MICAL2: variants seen among roughly 807,000 people sequenced by gnomAD.
MICAL2 encodes the protein microtubule associated monooxygenase, calponin and LIM domain containing 2, also known as [F-actin]-monooxygenase MICAL2.
Under a neutral mutation model 127.3 loss-of-function variants are expected in MICAL2, and 77 were observed. The observed-to-expected ratio is 0.60, with a 90% CI of 0.50 to 0.73. MICAL2 has a LOEUF of 0.73. Among genes scored for constraint, MICAL2 ranks in the 30% least tolerant of loss-of-function variants. The pLI is 0.00. For synonymous variants in MICAL2, 570 were observed against 551.1 expected (o/e 1.03, Z -0.48); for missense variants, 1,351 against 1,434.4 (o/e 0.94, Z 0.94).
exon 1 of MICAL2, chr11:12,276,164 C>A (rs1863720588): frequency 2.5e-6 from 1 of 399,094 alleles, no homozygotes; most frequent in African/African-American, 2.1e-5. Context: ...GCGAAGACAG[C>A]AGGTATGCTC....
chr11:12,310,029 G>GT (rs1181602720), intron 29 of MICAL2, among the ~76,000 whole-genome samples: 2 of 151,842 alleles, frequency 1.3e-5, no homozygotes, highest in South Asian at 4.1e-4. Flanking sequence ...GAATTATTTG[G>GT]TTTTTTGTAC....
At chr11:12,114,499 T>C (rs1031207231) in intron 1 of MICAL2, among the ~76,000 whole-genome samples, 1 of 152,198 alleles carries the variant, frequency 6.6e-6, no homozygotes, top group Admixed American at 6.5e-5. Context: ...GCCCCCTCTT[T>C]AGCCATTACC....
Position 12,138,738 on chromosome 11 carries a change from C to T in MICAL2, c.-78+278C>T, listed in dbSNP as rs1852063911. 2.6e-5 allele frequency among the ~76,000 whole-genome samples: 4 copies of T among 152,334 alleles called. No homozygotes were observed. The South Asian group carries it at 8.3e-4, about 32-fold the overall frequency. On this transcript the variant is annotated intron_variant, in intron 2 of 27. Coordinates refer to ENST00000683283, the MANE Select transcript of MICAL2 (RefSeq NM_001282663.2). The stretch of plus-strand genomic sequence containing the variant: ...AGGAACCAGACTCCCGCCTTCCTGT[C>T]TGAGCCAGGCAGCAATTCCCGGCAG...
intron 32 of MICAL2, among the ~76,000 whole-genome samples, chr11:12,342,579 T>A (rs1938884131): frequency 6.6e-6 from 1 of 152,234 alleles, no homozygotes; most frequent in African/African-American, 2.4e-5. Context: ...AAGGTAGGTG[T>A]GGTATGGTAT....
At chr11:12,219,273 A>T (rs1856537820) in intron 8 of MICAL2, among the ~76,000 whole-genome samples, 1 of 152,154 alleles carries the variant, frequency 6.6e-6, no homozygotes, top group Non-Finnish European at 1.5e-5. Flanking sequence ...CTCTGGGGAT[A>T]CACTAAACTT....
intron 2 of MICAL2, among the ~76,000 whole-genome samples, chr11:12,142,591 G>A (rs150233144): frequency 6.6e-6 from 1 of 152,328 alleles, no homozygotes; most frequent in African/African-American, 2.4e-5. Flanking sequence ...AACCAGAATG[G>A]AAACCACTCA....
chr11:12,126,700 G>A (rs1850946964), intron 1 of MICAL2, among the ~76,000 whole-genome samples: 1 of 86,540 alleles, frequency 1.2e-5, no homozygotes, highest in African/African-American at 5.0e-5. Context: ...CAAGGCTTAT[G>A]TGTGTAAAAA....
intron 7 of MICAL2, among the ~76,000 whole-genome samples, chr11:12,213,923 C>G (rs1253792576): frequency 1.3e-5 from 2 of 152,296 alleles, no homozygotes; most frequent in East Asian, 3.9e-4. Context: ...GGAACATAAC[C>G]TGTACTGGCA....
intron 1 of MICAL2, among the ~76,000 whole-genome samples, chr11:12,128,457 A>C (rs903195929): frequency 6.6e-6 from 1 of 152,254 alleles, no homozygotes; most frequent in African/African-American, 2.4e-5. Context: ...GGTAAATGGC[A>C]GAGCTGGGAT....
chr11:12,176,122 A>C (rs1241808049), intron 3 of MICAL2, among the ~76,000 whole-genome samples: 3 of 152,222 alleles, frequency 2.0e-5, no homozygotes, highest in Non-Finnish European at 4.4e-5. Context: ...TGTGCTCATC[A>C]TGTCTTAGAG....
chr11:12,233,646 A>G (rs1436849583), intron 15 of MICAL2, among the ~76,000 whole-genome samples: 1 of 152,222 alleles, frequency 6.6e-6, no homozygotes, highest in African/African-American at 2.4e-5. Flanking sequence ...CTTTTGGTAT[A>G]TAGACTCTTT....
At chr11:12,339,452 A>G (rs1565309851) in intron 32 of MICAL2, among the ~76,000 whole-genome samples, 1 of 152,032 alleles carries the variant, frequency 6.6e-6, no homozygotes, top group South Asian at 2.1e-4. Context: ...CAACTCATCA[A>G]AGTCATTCTC....
intron 3 of MICAL2, among the ~76,000 whole-genome samples, chr11:12,189,724 G>A (rs1420225772): frequency 1.3e-5 from 2 of 152,146 alleles, no homozygotes; most frequent in Non-Finnish European, 2.9e-5. Flanking sequence ...GGCTTCCGCA[G>A]GCAGCCTGAG....
intron 29 of MICAL2, among the ~76,000 whole-genome samples, chr11:12,314,122 A>G (rs1864205461): frequency 2.0e-5 from 3 of 151,812 alleles, no homozygotes; most frequent in Admixed American, 6.6e-5. Flanking sequence ...TGAAAATCCA[A>G]TTTGATGGTC....
At chr11:12,306,252 T>TAAA (rs1864107565) in intron 29 of MICAL2, among the ~76,000 whole-genome samples, 1 of 151,730 alleles carries the variant, frequency 6.6e-6, no homozygotes, top group Admixed American at 6.6e-5. Context: ...TCTAACAGTA[T>TAAA]TCATTAGGTA....
In MICAL2 at chr11:12,261,038, G is replaced by A. The variant is rs551199810; in HGVS notation, c.3334+1141G>A. 2,199 of 985,576 alleles carry A rather than the reference G, an allele frequency of 2.2e-3. 8 individuals are homozygous for A. Among genetic ancestry groups the A allele is most frequent in the Non-Finnish European group, 2.5e-3 (2,100 of 830,024 alleles). The allele number at this position is 985,576 out of a possible 1,614,324, so 61.1% of individuals were successfully genotyped here. ...CCTGTGGCTCCCAGCGGATCCCCCA[G>A]CCCGGGCTGCAGGCTGAGCCAAGGC... On this transcript the variant is annotated intron_variant, in intron 26 of 27. Coordinates refer to ENST00000683283, the MANE Select transcript of MICAL2 (RefSeq NM_001282663.2).
chr11:12,129,343 T>G (rs1851209766), intron 1 of MICAL2, among the ~76,000 whole-genome samples: 1 of 152,188 alleles, frequency 6.6e-6, no homozygotes, highest in South Asian at 2.1e-4. Flanking sequence ...CATATTTCAT[T>G]TGGTCTTCAC....
At position 12,236,180 on chromosome 11, in the gene MICAL2, G is replaced by A; in HGVS notation, c.1999G>A (p.Asp667Asn). Residue 667 changes from aspartate to asparagine, a missense_variant, in exon 16 of 28, where the codon GAT (aspartate) becomes AAT (asparagine). Physicochemically the swap from Asp to Asn is conservative, Grantham distance 23. This residue lies in a region of MICAL2 where 752 missense variants were observed against 719.4 expected (regional missense o/e 1.05). Transcript: ENST00000683283. The part of the protein sequence containing the change: ...TFPRKRTPRV[D>N]GQTGENDMNK... ...CCTGCTTTCTTGGCCATTGCAGGTG[G>A]ATGGTCAAACCGGAGAGAATGACAT... 1 of 1,614,186 alleles carries A rather than the reference G, an allele frequency of 6.2e-7. No homozygotes were observed. The highest frequency in any genetic ancestry group is 1.3e-5 in the African/African-American group (1 of 75,050).
downstream of MICAL2, chr11:12,358,826 A>G (rs1007838059): frequency 7.3e-5 from 12 of 163,608 alleles, no homozygotes; most frequent in Non-Finnish European, 1.3e-5. Flanking sequence ...CAATTCATTG[A>G]GTTACATACT....
Sources: gnomAD v4.1 joint callset for allele counts (sites outside exome capture counted in the v4.1 genomes callset) on GRCh38, gnomAD v4.1.1 for gene constraint, gnomAD v4.1.1 regional missense constraint, MANE v1.5 for transcripts, NCBI Gene and HGNC (gene_info 2026-07-23, HGNC 2026-07-21) for gene names.